Variants in BBOF1 observed in about 807,000 individuals in gnomAD.
The protein encoded by BBOF1 is basal body orientation factor 1, also known as basal body-orientation factor 1.
A neutral mutation model predicts 68.0 loss-of-function variants in BBOF1; 62 were observed. The ratio of observed to expected loss-of-function variants is 0.91; its 90% CI spans 0.74 to 1.13. The LOEUF (loss-of-function observed/expected upper bound fraction) is 1.13, where lower values mean the gene tolerates loss of function less well. Among genes scored for constraint, BBOF1 ranks in the 50% most tolerant of loss-of-function variants. The pLI, the probability that BBOF1 is intolerant of heterozygous loss-of-function variation, is 0.00. For synonymous variants in BBOF1, 208 were observed against 198.8 expected (o/e 1.05, Z -0.39); for missense variants, 534 against 600.1 (o/e 0.89, Z 1.15).
At chr14:74,066,815 C>T, downstream of BBOF1, 1 of 1,614,048 alleles carries the variant, frequency 6.2e-7, no homozygotes, top group Non-Finnish European at 8.5e-7. Context: ...GTTCCACTAT[C>T]AATCAGATTA....
At chr14:74,071,081 G>A (rs1013537973), downstream of BBOF1, 7 of 1,081,198 alleles carry the variant, frequency 6.5e-6, no homozygotes, top group South Asian at 3.8e-5. Context: ...GTTAAAATGA[G>A]TAAATCCTTT....
intron 4 of BBOF1, among the ~76,000 whole-genome samples, chr14:74,039,096 C>T (rs2059775389): frequency 6.6e-6 from 1 of 151,998 alleles, no homozygotes; most frequent in East Asian, 1.9e-4. Flanking sequence ...ATGATCCATC[C>T]CTTACAATTA....
At position 74,062,028 on chromosome 14, in the gene BBOF1, T is replaced by A. The variant is rs1378831477; in HGVS notation, c.1579-2660T>A. On this transcript the variant is annotated intron_variant, in intron 11 of 11. Coordinates refer to ENST00000394009, the MANE Select transcript of BBOF1 (RefSeq NM_025057.3). ...AGCTCAAGACCAGCCTGGCCCAACA[T>A]GGCGAAACCTCGTCTCTACTGGGAA... Among the ~76,000 whole-genome samples the A allele has an allele frequency of 3.4e-5, 4 of 117,176 alleles. No individual in the cohort carries two copies. The East Asian group carries it at 1.0e-3, about 31-fold the overall frequency. The allele number at this position is 117,176 out of a possible 152,430, so 76.9% of individuals were successfully genotyped here.
At chr14:74,028,637 A>G (rs2059492249) in intron 2 of BBOF1, among the ~76,000 whole-genome samples, 1 of 151,816 alleles carries the variant, frequency 6.6e-6, no homozygotes, top group East Asian at 1.9e-4. Context: ...CCCAGCACTT[A>G]GGCCAAGGCA....
At chr14:74,025,908 G>T (rs949387615) in intron 2 of BBOF1, among the ~76,000 whole-genome samples, 1 of 148,362 alleles carries the variant, frequency 6.7e-6, no homozygotes, top group Non-Finnish European at 1.5e-5. Flanking sequence ...GGCGGGGTGG[G>T]GGGGGTGCAT....
At chr14:74,068,556 T>C (rs541371946), downstream of BBOF1, among the ~76,000 whole-genome samples, 1 of 151,996 alleles carries the variant, frequency 6.6e-6, no homozygotes, top group East Asian at 1.9e-4. Flanking sequence ...CTGGCCAACA[T>C]GGTGAAACCC....
At chr14:74,063,671 G>C (rs1175192034) in intron 11 of BBOF1, among the ~76,000 whole-genome samples, 1 of 151,422 alleles carries the variant, frequency 6.6e-6, no homozygotes, top group African/African-American at 2.4e-5. Flanking sequence ...TTCGAGACCA[G>C]CCTGGCCAAA....
chr14:74,022,931 A>G lies in BBOF1; in HGVS notation c.72A>G (p.Thr24=), dbSNP rs747634651. 9.3e-6 allele frequency: 15 copies of G among 1,607,736 alleles called. No individual in the cohort carries two copies. Among genetic ancestry groups the G allele is most frequent in the Non-Finnish European group, 1.3e-5 (15 of 1,176,900 alleles). ...KGKDTKKLIK[T]DESVVDRAKA... ...TCCCATGCAGGAAGTTAATAAAAAC[A>G]GATGAATCTGTGGTGGACAGAGCCA... The change falls in exon 2 of 12, where the codon ACA becomes ACG. Residue 24 remains threonine (T), a synonymous_variant. Transcript: ENST00000394009.
intron 9 of BBOF1, chr14:74,071,840 G>T: frequency 6.3e-7 from 1 of 1,576,052 alleles, no homozygotes; most frequent in Non-Finnish European, 8.7e-7. Context: ...TGCGATCTTT[G>T]CCTCCCATCT....
At position 74,055,621 on chromosome 14, in the gene BBOF1, A is replaced by G; in HGVS notation, c.1324A>G (p.Thr442Ala). 1 of 1,613,920 alleles carries G rather than the reference A, an allele frequency of 6.2e-7. No individual in the cohort carries two copies. Among genetic ancestry groups the G allele is most frequent in the Non-Finnish European group, 8.5e-7 (1 of 1,179,886 alleles). The change falls in exon 9 of 12, where the codon ACC (threonine) becomes GCC (alanine). Residue 442 changes from threonine (T) to alanine (A), a missense_variant. Transcript: ENST00000394009. The part of the protein sequence containing the change: ...IEGNVDIGDL[T>A]WEQKEKVLRL... ...AGGAAATGTGGATATTGGAGATTTGACCTGGGAGCAGAAGGAAAAAGTATT... is the reference window on the plus strand; with the variant it reads ...AGGAAATGTGGATATTGGAGATTTGGCCTGGGAGCAGAAGGAAAAAGTATT...
Position 74,048,090 on chromosome 14 carries a change from G to A in BBOF1, c.792+16G>A. 5.6e-6 allele frequency: 9 copies of A among 1,596,706 alleles called. No homozygotes were observed. The highest frequency in any genetic ancestry group is 1.4e-5 in the African/African-American group (1 of 73,856). On this transcript the variant is annotated intron_variant, in intron 7 of 11. Coordinates refer to ENST00000394009, the MANE Select transcript of BBOF1 (RefSeq NM_025057.3). Reference sequence around the variant, plus strand: ...ACATCAAAAGGTTCCCTCTCATTTAGACTTGGTGTCCTTCTTTTCTTTATT... The same window carrying A: ...ACATCAAAAGGTTCCCTCTCATTTAAACTTGGTGTCCTTCTTTTCTTTATT...
downstream of BBOF1, chr14:74,069,078 C>CCTGT (rs559303440): frequency 7.0e-4 from 851 of 1,221,228 alleles, 14 homozygotes; most frequent in South Asian, 6.8e-3. Flanking sequence ...TTGAAGTTTT[C>CCTGT]CTGTGTTTTT....
At chr14:74,029,801 T>C (rs2059523956) in intron 3 of BBOF1, among the ~76,000 whole-genome samples, 1 of 152,198 alleles carries the variant, frequency 6.6e-6, no homozygotes. Context: ...TGCTTTTCAG[T>C]GGATGGAGCT....
intron 6 of BBOF1, 105 bp from the exon 7 acceptor site, chr14:74,047,825 T>C: frequency 1.1e-6 from 1 of 936,276 alleles, no homozygotes; most frequent in South Asian, 1.9e-5. Context: ...TAGGTGGTAG[T>C]CACTATTGAT....
intron 11 of BBOF1, 123 bp from the exon 12 acceptor site, chr14:74,064,565 C>T: frequency 1.2e-6 from 1 of 860,592 alleles, no homozygotes; most frequent in African/African-American, 1.7e-5. Flanking sequence ...GTCACACACT[C>T]AGGAAATGGC....
At chr14:74,077,695 C>T (rs1190585792) in intron 9 of BBOF1, among the ~76,000 whole-genome samples, 2 of 152,200 alleles carry the variant, frequency 1.3e-5, no homozygotes, top group African/African-American at 2.4e-5. Flanking sequence ...CCAAACACCT[C>T]CCACTAGGTC....
chr14:74,038,254 G>T (rs917334616), intron 4 of BBOF1, among the ~76,000 whole-genome samples: 1 of 152,142 alleles, frequency 6.6e-6, no homozygotes, highest in Non-Finnish European at 1.5e-5. Context: ...AACTTTTCTG[G>T]AAGGAATACA....
intron 5 of BBOF1, 83 bp from the exon 6 acceptor site, chr14:74,045,977 G>T: frequency 7.9e-7 from 1 of 1,259,318 alleles, no homozygotes; most frequent in Non-Finnish European, 1.1e-6. Flanking sequence ...TTTTTTATTT[G>T]ACATTCTAAA....
intron 9 of BBOF1, among the ~76,000 whole-genome samples, chr14:74,056,157 G>C (rs1654630882): frequency 6.6e-6 from 1 of 150,544 alleles, no homozygotes; most frequent in Non-Finnish European, 1.5e-5. Flanking sequence ...TCAGCCTACT[G>C]AGTAGCTGGG....
Sources: allele counts gnomAD v4.1 joint callset (sites outside exome capture counted in the v4.1 genomes callset), GRCh38; gene constraint gnomAD v4.1.1; transcripts MANE v1.5; gene names NCBI Gene and HGNC (gene_info 2026-07-23, HGNC 2026-07-21).